The following ATP13A1 variants were observed in gnomAD, a reference collection of about 807,000 sequenced individuals.
ATP13A1 encodes the protein endoplasmic reticulum transmembrane helix translocase.
ATP13A1 carries 55 observed loss-of-function variants against 134.8 expected under a neutral mutation model. The observed-to-expected ratio is 0.41, with a 90% CI of 0.33 to 0.51. The LOEUF (loss-of-function observed/expected upper bound fraction) is 0.51. ATP13A1 is among the 20% of genes least tolerant of loss of function. ATP13A1 has a pLI of 0.29. For synonymous variants in ATP13A1, 775 were observed against 725.1 expected, an observed-to-expected ratio of 1.07 and a Z score of -1.10; for missense variants, 1,389 against 1,652.8, an observed-to-expected ratio of 0.84 and a Z score of 2.77.
intron 3 of ATP13A1, among the ~76,000 whole-genome samples, chr19:19,657,777 C>A (rs2062069033): frequency 6.6e-6 from 1 of 152,132 alleles, no homozygotes. Context: ...AAGATGGAGG[C>A]CCTGAAGCTA....
In ATP13A1 at chr19:19,652,725, G is replaced by T. The variant is rs1271042449; in HGVS notation, c.2101-5C>A. The stretch of plus-strand genomic sequence containing the variant: ...CTCCCGCTTGACCTCCCGGGCCTGC[G>T]GACAGACAGGGGCACCCTCACCATC... On this transcript the variant is annotated splice_region_variant and splice_polypyrimidine_tract_variant and intron_variant, in intron 15 of 25. Transcript: ENST00000357324. 2 of 1,600,316 alleles carry T rather than the reference G, an allele frequency of 1.2e-6. No homozygotes were observed. Among genetic ancestry groups the T allele is most frequent in the Admixed American group, 1.7e-5 (1 of 58,942 alleles).
At position 19,663,600 on chromosome 19, in the gene ATP13A1, C is replaced by T; in HGVS notation, c.67G>A (p.Asp23Asn). Residue 23 changes from aspartate to asparagine, a missense_variant, in exon 1 of 26, where the codon GAC becomes AAC. This residue lies in a region of ATP13A1 where 293 missense variants were observed against 270.8 expected (regional missense o/e 1.08). Coordinates refer to ENST00000357324, the MANE Select transcript of ATP13A1 (RefSeq NM_020410.3). ...CGARPCGVRP[D>N]GQPKPGPQPR... ...TGCGGCCCGGGCTTGGGCTGCCCGT[C>T]AGGCCGGACCCCGCAAGGCCGGGCC... 2 of 1,422,750 alleles carry T rather than the reference C, an allele frequency of 1.4e-6. No homozygotes were observed. Among genetic ancestry groups the T allele is most frequent in the Non-Finnish European group, 1.8e-6 (2 of 1,099,530 alleles). 88.1% of individuals were successfully genotyped at this position (1,422,750 alleles called of 1,614,324 possible).
chr19:19,646,507 C>CAGG (rs2061986998), intron 22 of ATP13A1, 160 bp from the exon 23 acceptor site: 3 of 863,822 alleles, frequency 3.5e-6, no homozygotes, highest in Non-Finnish European at 5.3e-6. Context: ...CCCTGGATCC[C>CAGG]TGCCTGCCTC....
At position 19,656,625 on chromosome 19, in the gene ATP13A1, G is replaced by C. The variant is rs199741696; in HGVS notation, c.1083+35C>G. 2.4e-5 allele frequency: 39 copies of C among 1,598,676 alleles called. No individual in the cohort carries two copies. The highest frequency in any genetic ancestry group is 2.9e-5 in the Non-Finnish European group (34 of 1,171,938). On this transcript the variant is annotated intron_variant, in intron 7 of 25. Coordinates refer to ENST00000357324, the MANE Select transcript of ATP13A1 (RefSeq NM_020410.3). The surrounding 1 kb of genome is among the most constrained non-coding windows in gnomAD (Gnocchi z 4.6). ...TCCACCTCCTGGCCTGTTTCCTCCTGAACAGCTTGAGGATCCCCATCCTCC... is the reference window on the plus strand; with the variant it reads ...TCCACCTCCTGGCCTGTTTCCTCCTCAACAGCTTGAGGATCCCCATCCTCC...
In ATP13A1 at chr19:19,654,696, C is replaced by G. The variant is rs530019019; in HGVS notation, c.1660G>C (p.Gly554Arg). The G allele has an allele frequency of 6.2e-7, 1 of 1,611,174 alleles. No individual in the cohort carries two copies. The highest frequency in any genetic ancestry group is 1.1e-5 in the South Asian group (1 of 90,984). Residue 554 changes from glycine to arginine, a missense_variant, in exon 13 of 26, where the codon GGG becomes CGG. Gly to Arg is a moderately radical substitution (Grantham distance 125, BLOSUM62 -2). Coordinates refer to ENST00000357324, the MANE Select transcript of ATP13A1 (RefSeq NM_020410.3). ...VVRGVAGLRD[G>R]KEVTPVSSIP... The stretch of plus-strand genomic sequence containing the variant: ...CTGGACACTGGGGTCACCTCCTTCC[C>G]GTCTCTGCAAGGTCGGGGAACAGCT...
Position 19,647,683 on chromosome 19 carries a change from G to C in ATP13A1, c.2709C>G (p.Ser903Arg), listed in dbSNP as rs750619822. The C allele has an allele frequency of 6.2e-7, 1 of 1,612,506 alleles. No homozygotes were observed. Among genetic ancestry groups the C allele is most frequent in the Non-Finnish European group, 8.5e-7 (1 of 1,179,814 alleles). The change falls in exon 20 of 26, where the codon AGC (serine) becomes AGG (arginine). Residue 903 changes from serine (S) to arginine (R), a missense_variant. This residue lies in a region of ATP13A1 where 121 missense variants were observed against 104.9 expected (regional missense o/e 1.15). Coordinates refer to ENST00000357324, the MANE Select transcript of ATP13A1 (RefSeq NM_020410.3). The surrounding 1 kb of genome is among the most constrained non-coding windows in gnomAD (Gnocchi z 4.8). ...TGGAGGTGGCTCTGATGCCACTGTT[G>C]CTCAGGGTTGGGCTGTCCCGGGGCC... ...RRRPRDSPTL[S>R]NSGIRATSRT...
At chr19:19,654,269 C>T (rs2062043117) in intron 13 of ATP13A1, 125 bp from the exon 14 acceptor site, 21 of 1,115,734 alleles carry the variant, frequency 1.9e-5, no homozygotes, top group Non-Finnish European at 2.6e-5. Flanking sequence ...GGGCTCTGGG[C>T]TAGAGCAGGT....
intron 1 of ATP13A1, chr19:19,662,416 C>G (rs2062100623): frequency 1.0e-6 from 1 of 959,124 alleles, no homozygotes; most frequent in South Asian, 4.8e-5. Flanking sequence ...TTTTCCTCTT[C>G]TTGAGGCAAA....
chr19:19,649,058 G>A (rs1240520914), intron 19 of ATP13A1, among the ~76,000 whole-genome samples: 3 of 151,936 alleles, frequency 2.0e-5, no homozygotes, highest in Non-Finnish European at 4.4e-5. Context: ...GGAGATGGAG[G>A]TTGCAGTGAG....
At chr19:19,649,125 A>G (rs550140403) in intron 19 of ATP13A1, among the ~76,000 whole-genome samples, 2 of 152,186 alleles carry the variant, frequency 1.3e-5, no homozygotes, top group East Asian at 3.9e-4. Context: ...CCGTCAAAAA[A>G]AAAAAAGACA....
intron 1 of ATP13A1, chr19:19,662,271 C>G: frequency 1.0e-6 from 1 of 985,402 alleles, no homozygotes; most frequent in Non-Finnish European, 1.2e-6. Context: ...TTGAGCTCCT[C>G]CCCTGGGATA....
chr19:19,658,612 A>C (rs1029947261), intron 3 of ATP13A1, among the ~76,000 whole-genome samples: 2 of 152,202 alleles, frequency 1.3e-5, no homozygotes, highest in African/African-American at 2.4e-5. Context: ...GACCATCGTA[A>C]CAAGGCCATG....
rs548846963 is a variant in ATP13A1, at chr19:19,647,498, C to T, written c.2824G>A (p.Glu942Lys). The T allele has an allele frequency of 5.0e-6, 8 of 1,613,036 alleles. No individual in the cohort carries two copies. The highest frequency in any genetic ancestry group is 2.2e-5 in the East Asian group (1 of 44,850). Residue 942 changes from glutamate (E) to lysine (K), a missense_variant, in exon 21 of 26, where the codon GAG becomes AAG. Physicochemically the swap from Glu to Lys is moderately conservative, Grantham distance 56 (BLOSUM62 1). This residue lies in a region of ATP13A1 where 121 missense variants were observed against 104.9 expected (regional missense o/e 1.15). Transcript: ENST00000357324. This position sits in a 1 kb window ranked among gnomAD's most constrained non-coding sequence, Gnocchi z 4.8. The stretch of plus-strand genomic sequence containing the variant: ...TTCACAATGGGCGTACTCTCGTCCT[C>T]GAGGTCTCGCAGCACCTGGCTCAGG... ...DRLSQVLRDL[E>K]DESTPIVKLG...
intron 1 of ATP13A1, chr19:19,663,050 G>A (rs756621067): frequency 6.8e-6 from 5 of 739,584 alleles, no homozygotes; most frequent in South Asian, 4.5e-5. Flanking sequence ...CCATAACAGG[G>A]AGGACTTCAG....
chr19:19,648,548 C>T (rs1229899713), intron 19 of ATP13A1, among the ~76,000 whole-genome samples: 1 of 151,106 alleles, frequency 6.6e-6, no homozygotes, highest in African/African-American at 2.4e-5. Context: ...GTGGCTCACA[C>T]CTGTAATCCC....
chr19:19,648,502 AAAAAAAAAAG>A (rs1362697133), intron 19 of ATP13A1, among the ~76,000 whole-genome samples: 1 of 150,028 alleles, frequency 6.7e-6, no homozygotes, highest in Non-Finnish European at 1.5e-5. Flanking sequence ...TTCTTGCAAA[AAAAAAAAAAG>A]AAAAAAGAAA....
At position 19,655,616 on chromosome 19, in the gene ATP13A1, C is replaced by T. The variant is rs143798246; in HGVS notation, c.1308G>A (p.Arg436=). The T allele has an allele frequency of 2.3e-3, 3,662 of 1,613,804 alleles. 4 individuals are homozygous for T. Among genetic ancestry groups the T allele is most frequent in the Middle Eastern group, 4.8e-3 (29 of 6,062 alleles). The change falls in exon 10 of 26, where the codon AGG becomes AGA. Residue 436 remains arginine (R), a synonymous_variant. Transcript: ENST00000357324. The surrounding 1 kb of genome is among the most constrained non-coding windows in gnomAD (Gnocchi z 5.7). ...AGGTCTCCAGGTTGTTCGCAGTCAC[C>T]CTCTTGACCCCGAAGAGGATGGTGC... ...LLRTILFGVK[R]VTANNLETFI...
chr19:19,657,379 T>A lies in ATP13A1; in HGVS notation c.707A>T (p.Glu236Val). ...GGCTGTGGCTCTCTCCTTGAAAAGC[T>A]CCGAGAAGTCAGGCACCACCATCTC... ...KAEMVVPDFS[E>V]LFKERATAPF... Residue 236 changes from glutamate (E) to valine (V), a missense_variant, in exon 4 of 26, where the codon GAG becomes GTG. By Grantham distance (121) the Glu-to-Val change is moderately radical. Coordinates refer to ENST00000357324, the MANE Select transcript of ATP13A1 (RefSeq NM_020410.3). The A allele has an allele frequency of 6.4e-7, 1 of 1,573,656 alleles. No individual in the cohort carries two copies.
At position 19,654,023 on chromosome 19, in the gene ATP13A1, G is replaced by A. The variant is rs766107763; in HGVS notation, c.1935C>T (p.Thr645=). 7.5e-6 allele frequency: 12 copies of A among 1,598,602 alleles called. 1 individual carries two copies. Among genetic ancestry groups the A allele is most frequent in the South Asian group, 6.8e-5 (6 of 88,352 alleles). ...VLASYEKLGS[T]DLCYIAAVKG... ...TCACGGCCGCGATGTAGCAGAGGTC[G>A]GTGGAGCCCAGCTTCTCATACGAGG... is the stretch of plus-strand genomic sequence containing the variant. Residue 645 remains threonine (T), a synonymous_variant, in exon 14 of 26, where the codon ACC becomes ACT. Transcript: ENST00000357324.
Sources: allele counts gnomAD v4.1 joint callset (sites outside exome capture counted in the v4.1 genomes callset), GRCh38; gene constraint gnomAD v4.1.1; regional missense constraint gnomAD v4.1.1; non-coding constraint Gnocchi (gnomAD v3.1); transcripts MANE v1.5; gene names NCBI Gene and HGNC (gene_info 2026-07-23, HGNC 2026-07-21).